Variants in RPS6KC1 observed in about 807,000 individuals in gnomAD.
RPS6KC1 encodes inactive ribosomal protein S6 kinase delta-1.
RPS6KC1 carries 54 observed loss-of-function variants against 103.8 expected under a neutral mutation model. The observed-to-expected ratio is 0.52, with a 90% CI of 0.42 to 0.65. The LOEUF is 0.65. Among genes scored for constraint, RPS6KC1 ranks in the 30% least tolerant of loss-of-function variants. The pLI, the probability that RPS6KC1 is intolerant of heterozygous loss-of-function variation, is 0.00. For missense variants in RPS6KC1, 1,151 were observed against 1,253.8 expected, an observed-to-expected ratio of 0.92 and a Z score of 1.24; for synonymous variants, 439 against 438.7, an observed-to-expected ratio of 1.00 and a Z score of -0.01.
chr1:213,130,109 A>G (rs2085438169), intron 6 of RPS6KC1, among the ~76,000 whole-genome samples: 1 of 152,206 alleles, frequency 6.6e-6, no homozygotes, highest in Non-Finnish European at 1.5e-5. Context: ...CAATTAATCC[A>G]CAAAAACAGG....
chr1:213,201,233 A>G (rs542546569), intron 8 of RPS6KC1, among the ~76,000 whole-genome samples: 3 of 152,380 alleles, frequency 2.0e-5, no homozygotes, highest in African/African-American at 7.2e-5. Context: ...GTGAATGGGT[A>G]AATCAACTGT....
chr1:213,491,569 C>T, the RPS6KC1 span, among the ~76,000 whole-genome samples: 1 of 152,200 alleles, frequency 6.6e-6, no homozygotes, highest in East Asian at 1.9e-4. Flanking sequence ...AACAAACAAA[C>T]AGGCTTTAAT....
chr1:213,370,460 G>C, the RPS6KC1 span, among the ~76,000 whole-genome samples: 4 of 151,920 alleles, frequency 2.6e-5, no homozygotes, highest in Non-Finnish European at 5.9e-5. Flanking sequence ...GTGCACTTCG[G>C]GATGTATGAA....
the RPS6KC1 span, among the ~76,000 whole-genome samples, chr1:213,810,462 A>G: frequency 6.6e-6 from 1 of 152,226 alleles, no homozygotes; most frequent in African/African-American, 2.4e-5. Flanking sequence ...GCTTGGCCGA[A>G]TTGGAAGAAG....
chr1:213,656,166 T>C, the RPS6KC1 span, among the ~76,000 whole-genome samples: 1 of 152,170 alleles, frequency 6.6e-6, no homozygotes, highest in Non-Finnish European at 1.5e-5. Flanking sequence ...AGAGAGGCCA[T>C]GTAACACAAA....
chr1:213,146,241 A>T (rs1282472786), intron 6 of RPS6KC1, among the ~76,000 whole-genome samples: 1 of 151,834 alleles, frequency 6.6e-6, no homozygotes, highest in Non-Finnish European at 1.5e-5. Flanking sequence ...TTCATGGCTC[A>T]ATAGTACCCT....
Position 213,240,893 on chromosome 1 carries a change from A to G in RPS6KC1, c.1417A>G (p.Lys473Glu). The stretch of plus-strand genomic sequence containing the variant: ...AAGCATGCTTAAAGCTCTGCCTTTG[A>G]AGAGTAGTCTTACTCCAAGTTCTCA... ...GGSMLKALPL[K>E]SSLTPSSQDD... The change falls in exon 11 of 15, where the codon AAG becomes GAG. Residue 473 changes from lysine (K) to glutamate (E), a missense_variant. Lys to Glu is a moderately conservative substitution (Grantham distance 56). Coordinates refer to ENST00000366960, the MANE Select transcript of RPS6KC1 (RefSeq NM_012424.6). 1 of 1,613,940 alleles carries G rather than the reference A, an allele frequency of 6.2e-7. No homozygotes were observed. The highest frequency in any genetic ancestry group is 8.5e-7 in the Non-Finnish European group (1 of 1,179,912).
chr1:213,359,628 G>A, the RPS6KC1 span, among the ~76,000 whole-genome samples: 1 of 151,428 alleles, frequency 6.6e-6, no homozygotes, highest in African/African-American at 2.4e-5. Context: ...TTGCTCGTTA[G>A]TTGATGCAGT....
At chr1:213,590,544 CCTCAGAGGA>C in the RPS6KC1 span, among the ~76,000 whole-genome samples, 1 of 152,118 alleles carries the variant, frequency 6.6e-6, no homozygotes, top group South Asian at 2.1e-4. Flanking sequence ...TCAGCTGAGG[CCTCAGAGGA>C]CATGTGGGAG....
the RPS6KC1 span, among the ~76,000 whole-genome samples, chr1:213,699,661 C>A: frequency 6.6e-6 from 1 of 152,132 alleles, no homozygotes; most frequent in Admixed American, 6.6e-5. Context: ...TACATTTCCA[C>A]CAACAATGTA....
At chr1:213,475,761 C>T in the RPS6KC1 span, among the ~76,000 whole-genome samples, 878 of 152,276 alleles carry the variant, frequency 5.8e-3, 9 homozygotes, top group African/African-American at 0.02. Flanking sequence ...GCTATTTCAC[C>T]GGGAAATGGC....
the RPS6KC1 span, among the ~76,000 whole-genome samples, chr1:213,602,194 C>CTTTCTTTT: frequency 2.4e-4 from 18 of 75,204 alleles, no homozygotes; most frequent in African/African-American, 1.0e-3. Context: ...TTCTTTTTCC[C>CTTTCTTTT]TCCCTCCCTC....
At chr1:213,770,042 C>T in the RPS6KC1 span, among the ~76,000 whole-genome samples, 94 of 152,278 alleles carry the variant, frequency 6.2e-4, no homozygotes, top group African/African-American at 1.2e-3. Flanking sequence ...AGGTCACCAG[C>T]TACCACTGCT....
intron 1 of RPS6KC1, among the ~76,000 whole-genome samples, chr1:213,062,408 C>T (rs529827273): frequency 1.2e-3 from 181 of 152,242 alleles, no homozygotes; most frequent in Non-Finnish European, 2.2e-3. Flanking sequence ...ATCTGAAACA[C>T]TTCTTGTCTC....
chr1:213,448,399 C>A, the RPS6KC1 span, among the ~76,000 whole-genome samples: 1 of 151,878 alleles, frequency 6.6e-6, no homozygotes, highest in African/African-American at 2.4e-5. Flanking sequence ...TTTCGAAACC[C>A]CCGGATGATT....
chr1:213,723,702 C>T, the RPS6KC1 span, among the ~76,000 whole-genome samples: 10 of 152,118 alleles, frequency 6.6e-5, no homozygotes, highest in Non-Finnish European at 1.5e-4. Context: ...TCAAATTTCA[C>T]TCAATGGAAT....
At chr1:213,177,521 G>GA (rs1249811014) in intron 8 of RPS6KC1, among the ~76,000 whole-genome samples, 1 of 152,116 alleles carries the variant, frequency 6.6e-6, no homozygotes, top group Non-Finnish European at 1.5e-5. Context: ...CATTAAGTTG[G>GA]ATATTACATA....
the RPS6KC1 span, among the ~76,000 whole-genome samples, chr1:213,399,049 T>G: frequency 6.6e-6 from 1 of 152,228 alleles, no homozygotes; most frequent in East Asian, 1.9e-4. Context: ...ACAAAACATA[T>G]AGATTTAAGT....
the RPS6KC1 span, among the ~76,000 whole-genome samples, chr1:213,344,416 A>G: frequency 1.3e-5 from 2 of 152,390 alleles, no homozygotes; most frequent in South Asian, 4.1e-4. Flanking sequence ...AGCTGTCTTA[A>G]AAATCATGGT....
Sources: gnomAD v4.1 joint callset for allele counts (sites outside exome capture counted in the v4.1 genomes callset) on GRCh38, gnomAD v4.1.1 for gene constraint, MANE v1.5 for transcripts, NCBI Gene and HGNC (gene_info 2026-07-23, HGNC 2026-07-21) for gene names.